ABCB9: variants seen among roughly 807,000 people sequenced by gnomAD.
ABCB9 encodes ATP binding cassette subfamily B member 9, also known as ABC-type oligopeptide transporter ABCB9.
ABCB9 carries 36 observed loss-of-function variants against 62.0 expected under a neutral mutation model. The observed-to-expected ratio is 0.58, with a 90% CI of 0.45 to 0.77. The LOEUF (loss-of-function observed/expected upper bound fraction) is 0.77, where lower values mean the gene tolerates loss of function less well. Among genes scored for constraint, ABCB9 ranks in the 30% least tolerant of loss-of-function variants. ABCB9 has a pLI of 0.00. For missense variants in ABCB9, 943 were observed against 1,054.7 expected (o/e 0.89, Z 1.47); for synonymous variants, 435 against 461.4 (o/e 0.94, Z 0.73).
intron 2 of ABCB9, among the ~76,000 whole-genome samples, chr12:122,954,495 CTATTTTT>C (rs2036526748): frequency 6.6e-6 from 1 of 151,764 alleles, no homozygotes; most frequent in African/African-American, 2.4e-5. Flanking sequence ...CGTGCCCGGC[CTATTTTT>C]TATTTTTTGA....
At chr12:122,968,931 T>C (rs2037240099), upstream of ABCB9, among the ~76,000 whole-genome samples, 1 of 152,126 alleles carries the variant, frequency 6.6e-6, no homozygotes, top group African/African-American at 2.4e-5. Flanking sequence ...TACCTTTGCA[T>C]AGCTTGTCAC....
chr12:122,971,364 G>T (rs2037267986), upstream of ABCB9, among the ~76,000 whole-genome samples: 1 of 143,778 alleles, frequency 7.0e-6, no homozygotes, highest in Non-Finnish European at 1.5e-5. Flanking sequence ...TCCAGCCTGG[G>T]CGACAGAGTG....
At chr12:122,937,358 TAA>T (rs77730174) in intron 9 of ABCB9, among the ~76,000 whole-genome samples, 4 of 135,956 alleles carry the variant, frequency 2.9e-5, no homozygotes. Context: ...GACTCCATCT[TAA>T]AAAAAAAAAA....
Position 122,946,120 on chromosome 12 carries a change from C to G in ABCB9, c.1156G>C (p.Glu386Gln), listed in dbSNP as rs762724108. ...KTVRSFANEE[E>Q]EAEVYLRKLQ... ...TTCCGCAGGTACACCTCTGCCTCCTCCTCCTCATTGGCGAAGCTCCGGACA... is the reference window on the plus strand; with the variant it reads ...TTCCGCAGGTACACCTCTGCCTCCTGCTCCTCATTGGCGAAGCTCCGGACA... Residue 386 changes from glutamate to glutamine, a missense_variant, in exon 6 of 12, where the codon GAG becomes CAG. Coordinates refer to ENST00000280560, the MANE Select transcript of ABCB9 (RefSeq NM_019625.4). 1 of 1,614,160 alleles carries G rather than the reference C, an allele frequency of 6.2e-7. No homozygotes were observed.
chr12:122,920,810 G>T, downstream of ABCB9: 1 of 480,150 alleles, frequency 2.1e-6, no homozygotes, highest in Non-Finnish European at 3.7e-6. Context: ...CTACTTGGGA[G>T]GGTGAGGTGG....
chr12:122,940,665 A>G lies in ABCB9; in HGVS notation c.1569+142T>C, dbSNP rs1390434325. 6.7e-6 allele frequency: 7 copies of G among 1,044,154 alleles called. No homozygotes were observed. The highest frequency in any genetic ancestry group is 2.9e-4 in the Middle Eastern group (1 of 3,402). The allele number at this position is 1,044,154 out of a possible 1,614,324, so 64.7% of individuals were successfully genotyped here. On this transcript the variant is annotated intron_variant, in intron 8 of 11. Coordinates refer to ENST00000280560, the MANE Select transcript of ABCB9 (RefSeq NM_019625.4). The surrounding 1 kb of genome is among the most constrained non-coding windows in gnomAD (Gnocchi z 4.8). ...TTCTGTTAAGTATCTGTCTTCCCCA[A>G]CTGGAGCCCAAAACTCCTGGAGGGC...
At chr12:122,922,300 C>A (rs921169770) in intron 11 of ABCB9, among the ~76,000 whole-genome samples, 1 of 152,148 alleles carries the variant, frequency 6.6e-6, no homozygotes, top group African/African-American at 2.4e-5. Flanking sequence ...TGGTACCCAC[C>A]GCTCAGGACT....
At chr12:122,960,355 G>T in intron 1 of ABCB9, 33 bp from the exon 2 acceptor site, 1 of 1,391,834 alleles carries the variant, frequency 7.2e-7, no homozygotes, top group Non-Finnish European at 9.5e-7. Context: ...CAGCACAAGG[G>T]GTTCAGGTTT....
In ABCB9 at chr12:122,932,272, C is replaced by A; in HGVS notation, c.1960G>T (p.Ala654Ser). 1 of 1,551,476 alleles carries A rather than the reference C, an allele frequency of 6.4e-7. No homozygotes were observed. The highest frequency in any genetic ancestry group is 2.4e-5 in the East Asian group (1 of 40,936). The change falls in exon 11 of 12, where the codon GCC (alanine) becomes TCC (serine). Residue 654 changes from alanine (A) to serine (S), a missense_variant. Coordinates refer to ENST00000280560, the MANE Select transcript of ABCB9 (RefSeq NM_019625.4). The surrounding 1 kb of genome is among the most constrained non-coding windows in gnomAD (Gnocchi z 4.7). ...SGGQKQRVAM[A>S]RALVRNPPVL... ...GGGGGGTTCCGCACCAGAGCCCGGG[C>A]CATGGCCACCCGCTGCTTCTGGCCA...
downstream of ABCB9, chr12:122,924,602 C>T (rs2034838268): frequency 7.1e-7 from 1 of 1,416,682 alleles, no homozygotes. Flanking sequence ...CTGGGGAATA[C>T]AGCAGTGATG....
At chr12:122,966,022 C>T (rs2037151798) in intron 1 of ABCB9, among the ~76,000 whole-genome samples, 1 of 152,250 alleles carries the variant, frequency 6.6e-6, no homozygotes, top group Admixed American at 6.5e-5. Context: ...CAACACCTCC[C>T]ACATTTTCCA....
chr12:122,946,955 C>T (rs1014593965), intron 5 of ABCB9, among the ~76,000 whole-genome samples: 2 of 152,252 alleles, frequency 1.3e-5, no homozygotes, highest in African/African-American at 4.8e-5. Flanking sequence ...CATGCACTGG[C>T]ATGTCCCATG....
intron 1 of ABCB9, among the ~76,000 whole-genome samples, chr12:122,974,238 T>C (rs951271875): frequency 6.6e-6 from 1 of 151,874 alleles, no homozygotes; most frequent in African/African-American, 2.4e-5. Context: ...TCTGGGGAAA[T>C]GGATCCTTTC....
chr12:122,954,741 C>T (rs2036540848), intron 2 of ABCB9, among the ~76,000 whole-genome samples: 1 of 152,214 alleles, frequency 6.6e-6, no homozygotes, highest in Non-Finnish European at 1.5e-5. Context: ...GATCTGCCCA[C>T]CTCAGCCTTC....
At chr12:122,955,241 C>T (rs1016493093) in intron 2 of ABCB9, among the ~76,000 whole-genome samples, 2 of 152,154 alleles carry the variant, frequency 1.3e-5, no homozygotes, top group African/African-American at 4.8e-5. Flanking sequence ...TCAGTGAAGT[C>T]GGGAGCCTGA....
chr12:122,937,550 G>A (rs540084743), intron 9 of ABCB9, among the ~76,000 whole-genome samples: 299 of 152,284 alleles, frequency 2.0e-3, no homozygotes, highest in Non-Finnish European at 3.4e-3. Context: ...AATGTTAGGT[G>A]TCTGAGAATC....
At position 122,959,623 on chromosome 12, in the gene ABCB9, G is replaced by A. The variant is rs1040128160; in HGVS notation, c.601+12C>T. ...GTTCTGGTGGCCACATGTCCCCGAG[G>A]TCCTTACTTACCCAGAGCTGCCACG... On this transcript the variant is annotated intron_variant, in intron 2 of 11. Coordinates refer to ENST00000280560, the MANE Select transcript of ABCB9 (RefSeq NM_019625.4). The surrounding 1 kb of genome is among the most constrained non-coding windows in gnomAD (Gnocchi z 5.4). 1 of 1,534,772 alleles carries A rather than the reference G, an allele frequency of 6.5e-7. No individual in the cohort carries two copies. The highest frequency in any genetic ancestry group is 8.8e-7 in the Non-Finnish European group (1 of 1,139,538).
chr12:122,924,500 A>C (rs1264813808), downstream of ABCB9: 2 of 825,132 alleles, frequency 2.4e-6, no homozygotes, highest in African/African-American at 1.8e-5. Flanking sequence ...GAGTAGCTGG[A>C]ATTACAGACA....
intron 1 of ABCB9, among the ~76,000 whole-genome samples, chr12:122,961,062 T>TA (rs979003784): frequency 2.1e-4 from 28 of 133,290 alleles, no homozygotes; most frequent in African/African-American, 4.8e-4. Context: ...ATCCTATCTC[T>TA]AAAAAAAAAA....
Sources: gnomAD v4.1 joint callset for allele counts (sites outside exome capture counted in the v4.1 genomes callset) on GRCh38, gnomAD v4.1.1 for gene constraint, Gnocchi (gnomAD v3.1) non-coding constraint, MANE v1.5 for transcripts, NCBI Gene and HGNC (gene_info 2026-07-23, HGNC 2026-07-21) for gene names.